Variants in SLC8A3 observed in about 807,000 individuals in gnomAD.
The protein encoded by SLC8A3 is solute carrier family 8 member A3, also known as sodium/calcium exchanger 3.
Under a neutral mutation model 65.4 loss-of-function variants are expected in SLC8A3, and 37 were observed. That is an observed-to-expected ratio of 0.57 (90% confidence interval 0.44 to 0.74). The LOEUF is 0.74. Ranked by LOEUF, SLC8A3 falls within the 30% of genes least tolerant of loss-of-function variation. The pLI, the probability that SLC8A3 is intolerant of heterozygous loss-of-function variation, is 0.00. For missense variants in SLC8A3, 1,112 were observed against 1,172.1 expected, an observed-to-expected ratio of 0.95 and a Z score of 0.75; for synonymous variants, 461 against 444.5, an observed-to-expected ratio of 1.04 and a Z score of -0.47.
intron 1 of SLC8A3, chr14:70,187,273 AAGAG>A (rs139513175): frequency 0.26 from 38,765 of 146,648 alleles, 5,379 homozygotes; most frequent in Admixed American, 0.33. Context: ...GAGAGAGAGA[AAGAG>A]AGAGAGAGAG....
upstream of SLC8A3, chr14:70,189,127 A>T (rs1366414198): frequency 6.6e-6 from 1 of 152,214 alleles, no homozygotes; most frequent in Non-Finnish European, 1.5e-5. Flanking sequence ...GACTCTCAGA[A>T]CGCTCCTCGA....
Position 70,167,567 on chromosome 14 carries a change from C to G in SLC8A3, c.856G>C (p.Glu286Gln). 1 of 1,614,096 alleles carries G rather than the reference C, an allele frequency of 6.2e-7. No individual in the cohort carries two copies. Among genetic ancestry groups the G allele is most frequent in the South Asian group, 1.1e-5 (1 of 91,070 alleles). ...GAATTCATCATTTTCCCATCCATCT[C>G]AATGCCCTTAGGGTGGTCACCCTCT... Reference protein sequence around the residue: ...ETEGDHPKGIEMDGKMMNSHF... With the variant: ...ETEGDHPKGIQMDGKMMNSHF... Residue 286 changes from glutamate to glutamine, a missense_variant, in exon 2 of 7, where the codon GAG (glutamate) becomes CAG (glutamine). By Grantham distance (29) the Glu-to-Gln change is conservative (BLOSUM62 2). Coordinates refer to ENST00000356921, the MANE Select transcript of SLC8A3 (RefSeq NM_182932.3).
chr14:70,080,958 A>C (rs1335881832), intron 2 of SLC8A3, among the ~76,000 whole-genome samples: 1 of 152,222 alleles, frequency 6.6e-6, no homozygotes, highest in East Asian at 1.9e-4. Context: ...CACAGCTGGT[A>C]AATGGCAGAG....
intron 3 of SLC8A3, among the ~76,000 whole-genome samples, chr14:70,056,103 A>T (rs1888085084): frequency 6.6e-6 from 1 of 152,186 alleles, no homozygotes; most frequent in Admixed American, 6.5e-5. Flanking sequence ...AGGAATGAGG[A>T]TGGGGAACCA....
intron 2 of SLC8A3, among the ~76,000 whole-genome samples, chr14:70,154,625 A>C (rs1896467363): frequency 6.6e-6 from 1 of 152,182 alleles, no homozygotes. Context: ...TCTGCTTAGG[A>C]CTTAGTTCTT....
intron 2 of SLC8A3, among the ~76,000 whole-genome samples, chr14:70,080,452 A>G (rs1890954924): frequency 6.6e-6 from 1 of 152,162 alleles, no homozygotes. Context: ...GCAGGAAAAG[A>G]GAAGATAAAG....
At chr14:70,164,960 CA>C (rs1897089375) in intron 2 of SLC8A3, among the ~76,000 whole-genome samples, 2 of 152,304 alleles carry the variant, frequency 1.3e-5, no homozygotes, top group South Asian at 2.1e-4. Context: ...TTATCCTTCC[CA>C]GCAAAATGAC....
At chr14:70,126,753 CT>C (rs763630125) in intron 2 of SLC8A3, among the ~76,000 whole-genome samples, 15 of 152,104 alleles carry the variant, frequency 9.9e-5, no homozygotes, top group Non-Finnish European at 1.6e-4. Context: ...TTGAGTATCC[CT>C]AATCCCAAAA....
chr14:70,077,883 C>T (rs554319163), intron 2 of SLC8A3, among the ~76,000 whole-genome samples: 33 of 152,334 alleles, frequency 2.2e-4, no homozygotes, highest in Admixed American at 7.8e-4. Flanking sequence ...GCCCTTCCTC[C>T]GATTTCCACT....
At chr14:70,172,695 AG>A (rs1255942328) in intron 1 of SLC8A3, among the ~76,000 whole-genome samples, 18 of 150,998 alleles carry the variant, frequency 1.2e-4, no homozygotes, top group African/African-American at 4.4e-4. Context: ...AAAAAAAAAA[AG>A]AGAGACACCG....
intron 2 of SLC8A3, among the ~76,000 whole-genome samples, chr14:70,114,006 C>T (rs1208915571): frequency 1.3e-5 from 2 of 152,134 alleles, no homozygotes; most frequent in African/African-American, 4.8e-5. Context: ...TAACTCAAAC[C>T]ATGCCCTCCC....
chr14:70,129,660 G>A (rs2140220781), intron 2 of SLC8A3, among the ~76,000 whole-genome samples: 1 of 152,306 alleles, frequency 6.6e-6, no homozygotes, highest in African/African-American at 2.4e-5. Flanking sequence ...CAGGCCAAGA[G>A]GGAGATAGTT....
chr14:70,064,600 G>GTGT (rs1566748340), intron 2 of SLC8A3, among the ~76,000 whole-genome samples: 1 of 152,062 alleles, frequency 6.6e-6, no homozygotes, highest in African/African-American at 2.4e-5. Flanking sequence ...CACACATTCT[G>GTGT]GCAATTCACA....
At chr14:70,152,786 A>G (rs1160112648) in intron 2 of SLC8A3, among the ~76,000 whole-genome samples, 1 of 152,192 alleles carries the variant, frequency 6.6e-6, no homozygotes, top group Non-Finnish European at 1.5e-5. Flanking sequence ...ATCTGGGCTA[A>G]GCAGATTAGT....
At chr14:70,110,134 A>G (rs1447902322) in intron 2 of SLC8A3, among the ~76,000 whole-genome samples, 1 of 152,132 alleles carries the variant, frequency 6.6e-6, no homozygotes, top group Non-Finnish European at 1.5e-5. Context: ...AATGTGAAAT[A>G]AGCACATCAT....
intron 2 of SLC8A3, among the ~76,000 whole-genome samples, chr14:70,096,585 T>G (rs990781791): frequency 6.6e-6 from 1 of 152,202 alleles, no homozygotes; most frequent in African/African-American, 2.4e-5. Context: ...ACCCACTTAC[T>G]AGTTATGTGA....
chr14:70,169,192 C>T (rs1897340559), intron 1 of SLC8A3, among the ~76,000 whole-genome samples: 1 of 152,156 alleles, frequency 6.6e-6, no homozygotes, highest in Admixed American at 6.5e-5. Context: ...AAACTTCCTC[C>T]CCGAATGCAA....
chr14:70,165,150 A>G (rs1897099050), intron 2 of SLC8A3, among the ~76,000 whole-genome samples: 1 of 152,268 alleles, frequency 6.6e-6, no homozygotes, highest in Non-Finnish European at 1.5e-5. Context: ...CCAGGCAAGG[A>G]AAGTATTGTT....
At chr14:70,143,104 G>A (rs2140278078) in intron 2 of SLC8A3, among the ~76,000 whole-genome samples, 1 of 152,182 alleles carries the variant, frequency 6.6e-6, no homozygotes, top group East Asian at 1.9e-4. Flanking sequence ...CGCTGTTGGA[G>A]ACAGGCTTTT....
Sources: allele counts gnomAD v4.1 joint callset (sites outside exome capture counted in the v4.1 genomes callset), GRCh38; gene constraint gnomAD v4.1.1; transcripts MANE v1.5; gene names NCBI Gene and HGNC (gene_info 2026-07-23, HGNC 2026-07-21).